Variants in SPACA9 observed in about 807,000 individuals in gnomAD.
SPACA9 encodes the protein sperm acrosome-associated protein 9.
In SPACA9, 14 loss-of-function variants were observed where a neutral mutation model predicts 12.5. The ratio of observed to expected loss-of-function variants is 1.12; its 90% CI spans 0.74 to 1.75. SPACA9 has a LOEUF of 1.75. Ranked by LOEUF, SPACA9 falls within the 40% of genes most tolerant of loss-of-function variation. The probability of loss-of-function intolerance (pLI) is 0.00; values close to 1 mark genes in which losing one functional copy is unlikely to be tolerated. For synonymous variants in SPACA9, 111 were observed against 114.1 expected, an observed-to-expected ratio of 0.97 and a Z score of 0.17; for missense variants, 292 against 291.9, an observed-to-expected ratio of 1.00 and a Z score of 0.00.
Position 132,890,021 on chromosome 9 carries a change from T to G in SPACA9, c.*1410T>G, listed in dbSNP as rs2131502188. On this transcript the variant is annotated 3_prime_UTR_variant, in exon 4 of 4. Transcript: ENST00000356311. ...GGGAGACAGTCAAGAATAAAAAGTA[T>G]TCTACCACCTCTCTGCCTGACTTGG... The G allele has an allele frequency of 2.1e-6, 3 of 1,434,410 alleles. No individual in the cohort carries two copies. The highest frequency in any genetic ancestry group is 1.9e-4 in the Middle Eastern group (1 of 5,332). The allele number at this position is 1,434,410 out of a possible 1,614,324, so 88.9% of individuals were successfully genotyped here.
At chr9:132,885,279 C>T (rs142216646) in intron 2 of SPACA9, among the ~76,000 whole-genome samples, 2 of 151,810 alleles carry the variant, frequency 1.3e-5, no homozygotes, top group East Asian at 1.9e-4. Flanking sequence ...TTTGAGAGGC[C>T]GAGGTGAGTG....
chr9:132,888,421 G>A lies in SPACA9; in HGVS notation c.479G>A (p.Arg160His), dbSNP rs761317075. 2.0e-5 allele frequency: 33 copies of A among 1,613,678 alleles called. No homozygotes were observed. The highest frequency in any genetic ancestry group is 5.3e-5 in the African/African-American group (4 of 74,882). ...EWIAHSEKLP[R>H]KVLQHVSEPQ... ...ATCGCCCACTCCGAGAAGTTGCCGC[G>A]CAAGGTGCTGCAGCACGTGAGTGAG... Residue 160 changes from arginine to histidine, a missense_variant, in exon 4 of 4, where the codon CGC becomes CAC. Physicochemically the swap from Arg to His is conservative, Grantham distance 29 (BLOSUM62 0). Transcript: ENST00000356311. The surrounding 1 kb of genome is among the most constrained non-coding windows in gnomAD (Gnocchi z 5.0).
At chr9:132,883,315 A>G (rs542597822) in intron 1 of SPACA9, among the ~76,000 whole-genome samples, 1 of 152,338 alleles carries the variant, frequency 6.6e-6, no homozygotes, top group South Asian at 2.1e-4. Flanking sequence ...CATCTTCTCA[A>G]ACTAGACAGT....
At chr9:132,881,272 G>GAAAAAAAAAAAAGAAAAAAAAAAAGA (rs1844418642) in intron 1 of SPACA9, among the ~76,000 whole-genome samples, 1 of 80,162 alleles carries the variant, frequency 1.2e-5, no homozygotes, top group Admixed American at 1.3e-4. Flanking sequence ...CAAAAAAAAA[G>GAAAAAAAAAAAAGAAAAAAAAAAAGA]AAAAAAAAAA....
downstream of SPACA9, chr9:132,890,244 G>T: frequency 3.4e-6 from 1 of 290,856 alleles, no homozygotes; most frequent in South Asian, 1.5e-4. Flanking sequence ...AGGATGGGAA[G>T]TCTAGTTAAG....
At chr9:132,878,843 C>T (rs1276676492), upstream of SPACA9, 2 of 909,962 alleles carry the variant, frequency 2.2e-6, no homozygotes, top group African/African-American at 1.8e-5. This position sits in a 1 kb window ranked among gnomAD's most constrained non-coding sequence, Gnocchi z 4.7. Context: ...ATGGCACCGG[C>T]GGTAACAATC....
chr9:132,886,772 T>C (rs915520181), intron 2 of SPACA9, among the ~76,000 whole-genome samples: 1 of 152,176 alleles, frequency 6.6e-6, no homozygotes, highest in Admixed American at 6.5e-5. Flanking sequence ...TGATTTTATA[T>C]CCATCTATCT....
At position 132,888,237 on chromosome 9, in the gene SPACA9, G is replaced by T. The variant is rs564930203; in HGVS notation, c.348-53G>T. The T allele has an allele frequency of 1.2e-4, 181 of 1,553,482 alleles. No homozygotes were observed. The highest frequency in any genetic ancestry group is 1.5e-4 in the Non-Finnish European group (174 of 1,148,462). ...CTGAGGTGTGGCAGCTGCTTGCCAC[G>T]GCATGGCAAGTCCCGGGAGCATGGG... On this transcript the variant is annotated intron_variant, in intron 3 of 3. Coordinates refer to ENST00000356311, the MANE Select transcript of SPACA9 (RefSeq NM_001316897.2). This position sits in a 1 kb window ranked among gnomAD's most constrained non-coding sequence, Gnocchi z 5.0.
Position 132,888,298 on chromosome 9 carries a change from A to G in SPACA9, c.356A>G (p.His119Arg), listed in dbSNP as rs1315063827. ...DLSSLRAKYP[H>R]DVVNHLSCDE... ...CCCCTGCCGTCCTGCAGATACCCTCATGATGTGGTGAACCACCTCAGCTGT... is the reference window on the plus strand; with the variant it reads ...CCCCTGCCGTCCTGCAGATACCCTCGTGATGTGGTGAACCACCTCAGCTGT... Residue 119 changes from histidine (H) to arginine (R), a missense_variant, in exon 4 of 4, where the codon CAT becomes CGT. His to Arg is a conservative substitution (Grantham distance 29, BLOSUM62 0). Transcript: ENST00000356311. The surrounding 1 kb of genome is among the most constrained non-coding windows in gnomAD (Gnocchi z 5.0). 9 of 1,610,344 alleles carry G rather than the reference A, an allele frequency of 5.6e-6. No individual in the cohort carries two copies. Among genetic ancestry groups the G allele is most frequent in the African/African-American group, 1.3e-5 (1 of 74,964 alleles).
At chr9:132,883,065 C>T (rs1296477592) in intron 1 of SPACA9, among the ~76,000 whole-genome samples, 2 of 152,166 alleles carry the variant, frequency 1.3e-5, no homozygotes, top group African/African-American at 4.8e-5. Context: ...ATGGAGCACA[C>T]ACCCACAGAC....
intron 1 of SPACA9, among the ~76,000 whole-genome samples, chr9:132,882,199 C>T (rs1296597488): frequency 6.6e-6 from 1 of 152,186 alleles, no homozygotes; most frequent in East Asian, 1.9e-4. Context: ...AGCATACTCT[C>T]TTGTCTTTCC....
In SPACA9 at chr9:132,889,227, G is replaced by T; in HGVS notation, c.*616G>T. ...CTAGGTCCTCTTTGAGCCACATCCG[G>T]CTCCAGTGCCACGCCTGTCCCTGCT... On this transcript the variant is annotated 3_prime_UTR_variant, in exon 4 of 4. Transcript: ENST00000356311. 1 of 986,120 alleles carries T rather than the reference G, an allele frequency of 1.0e-6. No homozygotes were observed. Among genetic ancestry groups the T allele is most frequent in the Non-Finnish European group, 1.2e-6 (1 of 830,504 alleles). The allele number at this position is 986,120 out of a possible 1,614,324, so 61.1% of individuals were successfully genotyped here.
chr9:132,881,990 G>A (rs1393360873), intron 1 of SPACA9, among the ~76,000 whole-genome samples: 1 of 152,218 alleles, frequency 6.6e-6, no homozygotes, highest in Non-Finnish European at 1.5e-5. Context: ...CCATGTGGCA[G>A]GGACCAGCCA....
In SPACA9 at chr9:132,889,281, A is replaced by G; in HGVS notation, c.*670A>G. ...GGCTGCAGTTTTGCAGAGGGTGATC[A>G]AGCTGGAGACCATCTGCTCCTTGCC... On this transcript the variant is annotated 3_prime_UTR_variant, in exon 4 of 4. Coordinates refer to ENST00000356311, the MANE Select transcript of SPACA9 (RefSeq NM_001316897.2). The G allele has an allele frequency of 1.0e-6, 1 of 985,928 alleles. No homozygotes were observed. Among genetic ancestry groups the G allele is most frequent in the Non-Finnish European group, 1.2e-6 (1 of 830,354 alleles). 61.1% of individuals were successfully genotyped at this position (985,928 alleles called of 1,614,324 possible).
intron 2 of SPACA9, among the ~76,000 whole-genome samples, chr9:132,884,390 G>A (rs766502557): frequency 1.3e-5 from 2 of 152,218 alleles, no homozygotes; most frequent in Admixed American, 6.5e-5. Flanking sequence ...CTGTGCCTCA[G>A]TGTCCTCATC....
At chr9:132,885,165 CT>C (rs901997406) in intron 2 of SPACA9, among the ~76,000 whole-genome samples, 65 of 151,122 alleles carry the variant, frequency 4.3e-4, no homozygotes, top group African/African-American at 1.5e-3. Flanking sequence ...AAAAAAAACA[CT>C]TTTTTTTTCT....
rs755025337 is a variant in SPACA9 at position 132,888,387 on chromosome 9, A to C, written c.445A>C (p.Lys149Gln). Residue 149 changes from lysine (K) to glutamine (Q), a missense_variant, in exon 4 of 4, where the codon AAA (lysine) becomes CAA (glutamine). Transcript: ENST00000356311. The surrounding 1 kb of genome is among the most constrained non-coding windows in gnomAD (Gnocchi z 5.0). ...SLIPLILDLM[K>Q]EWIAHSEKLP... is the part of the protein sequence containing the mutation. ...CATCCCCCTCATCCTAGACTTAATGAAAGAATGGATCGCCCACTCCGAGAA... is the reference window on the plus strand; with the variant it reads ...CATCCCCCTCATCCTAGACTTAATGCAAGAATGGATCGCCCACTCCGAGAA... The C allele has an allele frequency of 3.7e-6, 6 of 1,614,036 alleles. No homozygotes were observed. The Admixed American group carries it at 8.3e-5, about 22-fold the overall frequency.
In SPACA9 at chr9:132,887,182, T is replaced by TCC. The variant is rs1844589868; in HGVS notation, c.145-187_145-186insCC. Among the ~76,000 whole-genome samples the TCC allele has an allele frequency of 2.2e-5, 3 of 133,448 alleles. No homozygotes were observed. The highest frequency in any genetic ancestry group is 3.3e-5 in the Non-Finnish European group (2 of 59,738). The allele number at this position is 133,448 out of a possible 152,430, so 87.5% of individuals were successfully genotyped here. ...CCATCCATCCATCCATCCATCCATCTATAGAGAGAGAGATACCACTATATA... is the reference window on the plus strand; with the variant it reads ...CCATCCATCCATCCATCCATCCATCTCCATAGAGAGAGAGATACCACTATATA... On this transcript the variant is annotated intron_variant, in intron 2 of 3. Coordinates refer to ENST00000356311, the MANE Select transcript of SPACA9 (RefSeq NM_001316897.2). The surrounding 1 kb of genome is among the most constrained non-coding windows in gnomAD (Gnocchi z 5.4).
Position 132,888,621 on chromosome 9 carries a change from A to C in SPACA9, c.*10A>C. The C allele has an allele frequency of 1.3e-6, 2 of 1,518,184 alleles. No homozygotes were observed. The highest frequency in any genetic ancestry group is 1.8e-6 in the Non-Finnish European group (2 of 1,131,334). 94.0% of individuals were successfully genotyped at this position (1,518,184 alleles called of 1,614,324 possible). ...TGGTGGGAAATTGTAACTCAGAGCCAGGAGCTCCGTCGGCGGAGAGCTTTG... is the reference window on the plus strand; with the variant it reads ...TGGTGGGAAATTGTAACTCAGAGCCCGGAGCTCCGTCGGCGGAGAGCTTTG... On this transcript the variant is annotated 3_prime_UTR_variant, in exon 4 of 4. Coordinates refer to ENST00000356311, the MANE Select transcript of SPACA9 (RefSeq NM_001316897.2). The surrounding 1 kb of genome is among the most constrained non-coding windows in gnomAD (Gnocchi z 5.0).
Sources: allele counts gnomAD v4.1 joint callset (sites outside exome capture counted in the v4.1 genomes callset), GRCh38; gene constraint gnomAD v4.1.1; non-coding constraint Gnocchi (gnomAD v3.1); transcripts MANE v1.5; gene names NCBI Gene and HGNC (gene_info 2026-07-23, HGNC 2026-07-21).